The following ZDHHC3 variants were observed in gnomAD, a reference collection of about 807,000 sequenced individuals.
The protein encoded by ZDHHC3 is palmitoyltransferase ZDHHC3.
In ZDHHC3, 9 loss-of-function variants were observed where a neutral mutation model predicts 30.6. The ratio of observed to expected loss-of-function variants is 0.29; its 90% CI spans 0.18 to 0.51. ZDHHC3 has a LOEUF of 0.51. Among genes scored for constraint, ZDHHC3 ranks in the 20% least tolerant of loss-of-function variants. ZDHHC3 has a pLI of 0.97. For synonymous variants in ZDHHC3, 136 were observed against 140.2 expected (o/e 0.97, Z 0.21); for missense variants, 246 against 384.2 (o/e 0.64, Z 3.01).
chr3:44,918,218 AT>A lies in ZDHHC3; in HGVS notation c.*8470del. 8.4e-7 allele frequency: 1 copy of A among 1,194,518 alleles called. No homozygotes were observed. Among genetic ancestry groups the A allele is most frequent in the Non-Finnish European group, 1.1e-6 (1 of 932,440 alleles). The allele number at this position is 1,194,518 out of a possible 1,614,324, so 74.0% of individuals were successfully genotyped here. ...ACAGCTCACATAGACACCCCCAGCT[AT>A]AGCATAGCAGTGGCGGGGGGGGGGG... On this transcript the variant is annotated 3_prime_UTR_variant, in exon 7 of 7. Coordinates refer to ENST00000424952, the MANE Select transcript of ZDHHC3 (RefSeq NM_001135179.2).
intron 3 of ZDHHC3, among the ~76,000 whole-genome samples, chr3:44,939,255 C>T (rs1315540967): frequency 6.6e-6 from 1 of 151,590 alleles, no homozygotes; most frequent in Non-Finnish European, 1.5e-5. Flanking sequence ...CACTCTGCTT[C>T]TCTCTCTCTG....
Position 44,922,732 on chromosome 3 carries a change from C to A in ZDHHC3, c.*3957G>T. On this transcript the variant is annotated 3_prime_UTR_variant, in exon 7 of 7. Transcript: ENST00000424952. Reference sequence around the variant, plus strand: ...TGTTAAGACACGGGCTGCTGGGCCCCGCTCGGTTTCTGGTTCGGTAGCCTG... The same window carrying A: ...TGTTAAGACACGGGCTGCTGGGCCCAGCTCGGTTTCTGGTTCGGTAGCCTG... The A allele has an allele frequency of 1.0e-6, 1 of 984,680 alleles. No homozygotes were observed. Among genetic ancestry groups the A allele is most frequent in the South Asian group, 4.7e-5 (1 of 21,270 alleles). The allele number at this position is 984,680 out of a possible 1,614,324, so 61.0% of individuals were successfully genotyped here.
chr3:44,927,141 C>A (rs139442058), intron 6 of ZDHHC3, among the ~76,000 whole-genome samples: 1 of 152,168 alleles, frequency 6.6e-6, no homozygotes, highest in East Asian at 1.9e-4. Context: ...AGATAAGGAG[C>A]GCGTCTCTCC....
rs978035291 is a variant in ZDHHC3, at chr3:44,926,339, C to A, written c.*350G>T. The stretch of plus-strand genomic sequence containing the variant: ...AGGTGTCCAGACTATTCCATCCACG[C>A]ACAGCGTCATGTCTCACTCAGTTAG... On this transcript the variant is annotated 3_prime_UTR_variant, in exon 7 of 7. Transcript: ENST00000424952. 2.0e-6 allele frequency: 2 copies of A among 1,008,394 alleles called. No individual in the cohort carries two copies. The highest frequency in any genetic ancestry group is 3.4e-5 in the African/African-American group (2 of 58,146). The allele number at this position is 1,008,394 out of a possible 1,614,324, so 62.5% of individuals were successfully genotyped here.
chr3:44,933,398 C>T, intron 4 of ZDHHC3, 199 bp from the exon 5 acceptor site: 5 of 608,858 alleles, frequency 8.2e-6, no homozygotes, highest in South Asian at 6.0e-5. Flanking sequence ...GAGCAGCCAC[C>T]TCCGGGAGTA....
intron 2 of ZDHHC3, among the ~76,000 whole-genome samples, chr3:44,953,617 CT>C (rs1258571103): frequency 3.9e-5 from 6 of 152,162 alleles, no homozygotes; most frequent in Non-Finnish European, 8.8e-5. Context: ...TCCAACAGCT[CT>C]CCCAGGAGCA....
intron 3 of ZDHHC3, among the ~76,000 whole-genome samples, chr3:44,941,802 A>C (rs1702465877): frequency 6.6e-6 from 1 of 152,210 alleles, no homozygotes; most frequent in African/African-American, 2.4e-5. Flanking sequence ...CTAATGTTTA[A>C]GAAAGTTTAC....
chr3:44,968,147 A>C (rs568471437), intron 1 of ZDHHC3, among the ~76,000 whole-genome samples: 127 of 152,006 alleles, frequency 8.4e-4, no homozygotes, highest in African/African-American at 3.0e-3. Context: ...TTTTCCACCC[A>C]AAGTTGGAAT....
At position 44,926,570 on chromosome 3, in the gene ZDHHC3, T is replaced by C. The variant is rs1701008380; in HGVS notation, c.*119A>G. On this transcript the variant is annotated 3_prime_UTR_variant, in exon 7 of 7. Transcript: ENST00000424952. ...ATGCTCAGCCATTTTACTTGAGACA[T>C]AAAAAAAGTTTTAAGAGTAGTTGTT... 1 of 1,270,762 alleles carries C rather than the reference T, an allele frequency of 7.9e-7. No individual in the cohort carries two copies. Among genetic ancestry groups the C allele is most frequent in the Non-Finnish European group, 1.0e-6 (1 of 1,002,088 alleles). The allele number at this position is 1,270,762 out of a possible 1,614,324, so 78.7% of individuals were successfully genotyped here. A position where few individuals can be genotyped will look rare whatever the true frequency, so the allele number is the denominator to read the frequency against.
intron 1 of ZDHHC3, among the ~76,000 whole-genome samples, chr3:44,962,106 T>C (rs1021207970): frequency 3.3e-5 from 5 of 152,224 alleles, no homozygotes; most frequent in African/African-American, 1.2e-4. Context: ...CCTCTTGTTA[T>C]CTGCAGCCTG....
chr3:44,959,494 T>C lies in ZDHHC3; in HGVS notation c.-24-34A>G. On this transcript the variant is annotated intron_variant, in intron 1 of 6. Coordinates refer to ENST00000424952, the MANE Select transcript of ZDHHC3 (RefSeq NM_001135179.2). The surrounding 1 kb of genome is among the most constrained non-coding windows in gnomAD (Gnocchi z 4.3). ...GAGAGGAAAGAATCCAGAAACTTGG[T>C]GTTGTCTTGTCATCAAGGAGGTTTG... 6.4e-7 allele frequency: 1 copy of C among 1,564,988 alleles called. No individual in the cohort carries two copies. Among genetic ancestry groups the C allele is most frequent in the Non-Finnish European group, 8.7e-7 (1 of 1,152,286 alleles).
At chr3:44,926,970 A>T in intron 6 of ZDHHC3, 123 bp from the exon 7 acceptor site, 1 of 1,286,414 alleles carries the variant, frequency 7.8e-7, no homozygotes, top group Non-Finnish European at 1.0e-6. Flanking sequence ...AAAGCTATCT[A>T]CCTAATATAT....
chr3:44,928,993 G>A (rs1701245907), intron 6 of ZDHHC3, among the ~76,000 whole-genome samples: 1 of 152,198 alleles, frequency 6.6e-6, no homozygotes, highest in South Asian at 2.1e-4. Context: ...GCCTAGTGGA[G>A]TGTCTAATGC....
At chr3:44,936,805 C>A (rs1427228710) in intron 3 of ZDHHC3, among the ~76,000 whole-genome samples, 1 of 151,950 alleles carries the variant, frequency 6.6e-6, no homozygotes, top group Non-Finnish European at 1.5e-5. Flanking sequence ...GTACAACAAA[C>A]CCCCAACACA....
chr3:44,957,577 C>A (rs1359718816), intron 2 of ZDHHC3, among the ~76,000 whole-genome samples: 1 of 152,212 alleles, frequency 6.6e-6, no homozygotes, highest in Admixed American at 6.5e-5. Context: ...TTCCTAAGTT[C>A]CCACCACTCC....
chr3:44,924,482 G>A lies in ZDHHC3; in HGVS notation c.*2207C>T. Reference sequence around the variant, plus strand: ...CAAAACCAGAGGCAGAATCCTATAGGATATCTGAAGGAACCCCACTCTATT... The same window carrying A: ...CAAAACCAGAGGCAGAATCCTATAGAATATCTGAAGGAACCCCACTCTATT... On this transcript the variant is annotated 3_prime_UTR_variant, in exon 7 of 7. Coordinates refer to ENST00000424952, the MANE Select transcript of ZDHHC3 (RefSeq NM_001135179.2). 1.0e-6 allele frequency: 1 copy of A among 985,394 alleles called. No homozygotes were observed. The highest frequency in any genetic ancestry group is 1.2e-6 in the Non-Finnish European group (1 of 829,926). The allele number at this position is 985,394 out of a possible 1,614,324, so 61.0% of individuals were successfully genotyped here. A position where few individuals can be genotyped will look rare whatever the true frequency, so the allele number is the denominator to read the frequency against.
chr3:44,945,335 T>C (rs1238261831), intron 2 of ZDHHC3, 43 bp from the exon 3 acceptor site: 1 of 1,613,424 alleles, frequency 6.2e-7, no homozygotes, highest in South Asian at 1.1e-5. Flanking sequence ...CTGGGGGTTC[T>C]ATCAGCTCTA....
intron 5 of ZDHHC3, among the ~76,000 whole-genome samples, chr3:44,932,351 G>A (rs930535350): frequency 6.6e-6 from 1 of 152,200 alleles, no homozygotes; most frequent in Non-Finnish European, 1.5e-5. Context: ...TGTATAGGAA[G>A]AGCAAAAGTT....
chr3:44,918,908 C>G lies in ZDHHC3; in HGVS notation c.*7781G>C, dbSNP rs1406570629. 1 of 985,662 alleles carries G rather than the reference C, an allele frequency of 1.0e-6. No individual in the cohort carries two copies. The highest frequency in any genetic ancestry group is 1.2e-6 in the Non-Finnish European group (1 of 830,238). The allele number at this position is 985,662 out of a possible 1,614,324, so 61.1% of individuals were successfully genotyped here. On this transcript the variant is annotated 3_prime_UTR_variant, in exon 7 of 7. Transcript: ENST00000424952. ...AGGCCAGCTCTCCAGGCCCACAACA[C>G]CCTGCACAGAGGCCTTTGACCCTCC... is the stretch of plus-strand genomic sequence containing the variant.
Sources: gnomAD v4.1 joint callset for allele counts (sites outside exome capture counted in the v4.1 genomes callset) on GRCh38, gnomAD v4.1.1 for gene constraint, Gnocchi (gnomAD v3.1) non-coding constraint, MANE v1.5 for transcripts, NCBI Gene and HGNC (gene_info 2026-07-23, HGNC 2026-07-21) for gene names.